NKIRAS1: variants seen among roughly 807,000 people sequenced by gnomAD.
NKIRAS1 encodes the protein NFKB inhibitor interacting Ras like 1, also known as NF-kappa-B inhibitor-interacting Ras-like protein 1.
NKIRAS1 carries 16 observed loss-of-function variants against 19.8 expected under a neutral mutation model. That is an observed-to-expected ratio of 0.81 (90% confidence interval 0.55 to 1.23). The LOEUF is 1.23. Among genes scored for constraint, NKIRAS1 ranks in the 50% most tolerant of loss-of-function variants. The probability of loss-of-function intolerance (pLI) is 0.00; values close to 1 mark genes in which losing one functional copy is unlikely to be tolerated. For missense variants in NKIRAS1, 184 were observed against 220.0 expected, an observed-to-expected ratio of 0.84 and a Z score of 1.04; for synonymous variants, 88 against 79.0, an observed-to-expected ratio of 1.11 and a Z score of -0.61.
At chr3:23,904,046 T>C (rs1039598246) in intron 3 of NKIRAS1, among the ~76,000 whole-genome samples, 1 of 152,044 alleles carries the variant, frequency 6.6e-6, no homozygotes, top group Non-Finnish European at 1.5e-5. Context: ...GCACCTGTAA[T>C]TGCAGCTACT....
chr3:23,909,740 C>T (rs1051837357), intron 3 of NKIRAS1, among the ~76,000 whole-genome samples: 1 of 151,888 alleles, frequency 6.6e-6, no homozygotes, highest in African/African-American at 2.4e-5. Flanking sequence ...TTTGACTCAG[C>T]GAATGAATAA....
chr3:23,924,230 CTA>C (rs1309164235), intron 1 of NKIRAS1: 15 of 152,212 alleles, frequency 9.9e-5, no homozygotes, highest in Admixed American at 9.8e-4. Context: ...TTAGCCCTAA[CTA>C]ATTCAATAAA....
chr3:23,933,332 C>T (rs1705345887), intron 1 of NKIRAS1, among the ~76,000 whole-genome samples: 1 of 152,188 alleles, frequency 6.6e-6, no homozygotes, highest in Admixed American at 6.5e-5. Flanking sequence ...TTACTCTATC[C>T]CAGTGGTTCT....
At chr3:23,902,155 C>T (rs541361214) in intron 3 of NKIRAS1, among the ~76,000 whole-genome samples, 1 of 152,060 alleles carries the variant, frequency 6.6e-6, no homozygotes, top group East Asian at 1.9e-4. Context: ...ATCCTATACC[C>T]CCCCCAATCA....
chr3:23,900,176 C>T (rs938706125), intron 4 of NKIRAS1, among the ~76,000 whole-genome samples: 4 of 151,620 alleles, frequency 2.6e-5, no homozygotes, highest in African/African-American at 9.7e-5. Context: ...AAAACAAAAA[C>T]AAAAACCCAA....
upstream of NKIRAS1, among the ~76,000 whole-genome samples, chr3:23,921,427 C>T (rs972376539): frequency 3.3e-5 from 5 of 152,188 alleles, no homozygotes; most frequent in African/African-American, 1.2e-4. Context: ...CAAACACTTC[C>T]TAATGCCTTT....
chr3:23,946,227 C>G (rs1202582036), intron 1 of NKIRAS1: 12 of 985,348 alleles, frequency 1.2e-5, no homozygotes, highest in African/African-American at 3.5e-5. Context: ...CCGCAGTGCA[C>G]CGGACGCCGC....
intron 1 of NKIRAS1, chr3:23,945,637 C>T: frequency 4.4e-6 from 5 of 1,144,406 alleles, no homozygotes; most frequent in African/African-American, 1.6e-5. Flanking sequence ...CCGGAGGGAG[C>T]GCTCAGAGCC....
At chr3:23,936,607 T>A (rs1053177227) in intron 1 of NKIRAS1, among the ~76,000 whole-genome samples, 11 of 152,138 alleles carry the variant, frequency 7.2e-5, no homozygotes, top group African/African-American at 2.7e-4. Flanking sequence ...AGTGCAGTGG[T>A]GCGATCTCGG....
upstream of NKIRAS1, chr3:23,920,366 A>G (rs780453851): frequency 8.4e-5 from 83 of 985,356 alleles, no homozygotes; most frequent in Non-Finnish European, 9.6e-5. Context: ...CTACAGAAAA[A>G]GTCACAAGCG....
Position 23,900,847 on chromosome 3 carries a change from A to G in NKIRAS1, c.297T>C (p.Leu99=). Reference sequence around the variant, plus strand: ...TGAACTTATCGATTTCTTTCTTCAGAAGCTCCACTCTTTGAAAGGATTCAA... The same window carrying G: ...TGAACTTATCGATTTCTTTCTTCAGGAGCTCCACTCTTTGAAAGGATTCAA... ...NNLESFQRVE[L]LKKEIDKFKD... The change falls in exon 4 of 5, where the codon CTT becomes CTC. Residue 99 remains leucine (L), a synonymous_variant. Transcript: ENST00000425478. 1 of 1,613,822 alleles carries G rather than the reference A, an allele frequency of 6.2e-7. No homozygotes were observed.
At chr3:23,910,357 G>C (rs1452280859) in intron 3 of NKIRAS1, among the ~76,000 whole-genome samples, 4 of 151,502 alleles carry the variant, frequency 2.6e-5, no homozygotes, top group Admixed American at 1.3e-4. Context: ...GTTTCACCAT[G>C]TTGGCCAGGC....
At chr3:23,939,860 C>A (rs751126036) in intron 1 of NKIRAS1, among the ~76,000 whole-genome samples, 2 of 152,206 alleles carry the variant, frequency 1.3e-5, no homozygotes, top group Non-Finnish European at 1.5e-5. Flanking sequence ...GTTTATACAA[C>A]ATGGACAAAC....
At chr3:23,925,991 TA>T (rs1309737867) in intron 1 of NKIRAS1, among the ~76,000 whole-genome samples, 4 of 152,192 alleles carry the variant, frequency 2.6e-5, no homozygotes, top group African/African-American at 9.6e-5. Flanking sequence ...GCACAGAAAA[TA>T]TTTTGACCAT....
In NKIRAS1 at chr3:23,893,167, A is replaced by G; in HGVS notation, c.507T>C (p.Ser169=). ...GAAAGCTTGATTTGCTCTGGGGTTG[A>G]GAAAGTTTACTGGCTAATAAAGTGA... ...EPFTLLASKL[S]QPQSKSSFPL... is the part of the protein sequence containing the mutation. The change falls in exon 5 of 5, where the codon TCT becomes TCC. Residue 169 remains serine (S), a synonymous_variant. Coordinates refer to ENST00000425478, the MANE Select transcript of NKIRAS1 (RefSeq NM_020345.4). 1.9e-6 allele frequency: 3 copies of G among 1,611,802 alleles called. No individual in the cohort carries two copies. The highest frequency in any genetic ancestry group is 2.5e-6 in the Non-Finnish European group (3 of 1,179,072).
chr3:23,894,475 T>C (rs1701784159), intron 4 of NKIRAS1, among the ~76,000 whole-genome samples: 1 of 152,208 alleles, frequency 6.6e-6, no homozygotes, highest in Admixed American at 6.5e-5. Context: ...CTATCTCATC[T>C]TTCAAGCCCT....
intron 1 of NKIRAS1, among the ~76,000 whole-genome samples, chr3:23,936,082 CAAAAAAAA>C (rs35945213): frequency 3.1e-5 from 2 of 63,908 alleles, no homozygotes; most frequent in Non-Finnish European, 2.8e-5. Context: ...GACCCTGTCT[CAAAAAAAA>C]AAAAAAAAAA....
Position 23,890,766 on chromosome 3 carries a change from A to T in NKIRAS1, c.*2329T>A. Reference sequence around the variant, plus strand: ...CTAAGATTTTGTTGTAACTTAAGGTATCTTGCTACAGTAGACAGAATTGGT... The same window carrying T: ...CTAAGATTTTGTTGTAACTTAAGGTTTCTTGCTACAGTAGACAGAATTGGT... On this transcript the variant is annotated 3_prime_UTR_variant, in exon 5 of 5. Transcript: ENST00000425478. 1 of 587,090 alleles carries T rather than the reference A, an allele frequency of 1.7e-6. No homozygotes were observed. Among genetic ancestry groups the T allele is most frequent in the Non-Finnish European group, 2.7e-6 (1 of 367,986 alleles). The allele number at this position is 587,090 out of a possible 1,614,324, so 36.4% of individuals were successfully genotyped here.
rs1705232160 is a variant in NKIRAS1 at position 23,927,679 on chromosome 3, T to C, written c.-139-16229A>G. On this transcript the variant is annotated intron_variant, in intron 1 of 4. Transcript: ENST00000421515. This position sits in a 1 kb window ranked among gnomAD's most constrained non-coding sequence, Gnocchi z 4.0. The stretch of plus-strand genomic sequence containing the variant: ...GATGATGTAATTATCAGTCATCAAA[T>C]CACGAAACTTGTTTCTATGAGAGTG... Among the ~76,000 whole-genome samples, 1 of 152,252 alleles carries C rather than the reference T, an allele frequency of 6.6e-6. No individual in the cohort carries two copies. The highest frequency in any genetic ancestry group is 6.5e-5 in the Admixed American group (1 of 15,282).
Sources: allele counts gnomAD v4.1 joint callset (sites outside exome capture counted in the v4.1 genomes callset), GRCh38; gene constraint gnomAD v4.1.1; non-coding constraint Gnocchi (gnomAD v3.1); transcripts MANE v1.5; gene names NCBI Gene and HGNC (gene_info 2026-07-23, HGNC 2026-07-21).